The following SYTL2 variants were observed in gnomAD, a reference collection of about 807,000 sequenced individuals.
SYTL2 encodes synaptotagmin like 2.
SYTL2 carries 165 observed loss-of-function variants against 198.7 expected under a neutral mutation model. That is an observed-to-expected ratio of 0.83 (90% CI 0.73 to 0.94). The LOEUF is 0.94. Ranked by LOEUF, SYTL2 falls within the 40% of genes least tolerant of loss-of-function variation. The probability of loss-of-function intolerance (pLI) is 0.00; values close to 1 mark genes in which losing one functional copy is unlikely to be tolerated. For missense variants in SYTL2, 2,835 were observed against 2,582.8 expected (o/e 1.10, Z -2.12); for synonymous variants, 966 against 917.7 (o/e 1.05, Z -0.95).
intron 8 of SYTL2, 25 bp downstream of exon 8, chr11:85,724,007 G>A: frequency 1.5e-6 from 2 of 1,372,220 alleles, no homozygotes; most frequent in Non-Finnish European, 1.9e-6. Flanking sequence ...GACTCACTGT[G>A]AGTTAAAAAA....
chr11:85,808,748 T>C (rs142916917), intron 1 of SYTL2, among the ~76,000 whole-genome samples: 168 of 152,356 alleles, frequency 1.1e-3, no homozygotes, highest in African/African-American at 3.9e-3. Context: ...CACAGGAGCA[T>C]GTGTTGGTCT....
chr11:85,806,811 G>C (rs1443389634), intron 1 of SYTL2, among the ~76,000 whole-genome samples: 1 of 152,222 alleles, frequency 6.6e-6, no homozygotes, highest in Non-Finnish European at 1.5e-5. Context: ...TTTAAGACAA[G>C]AAGGACCCTC....
intron 1 of SYTL2, 37 bp from the exon 2 acceptor site, chr11:85,758,151 G>C (rs1027329636): frequency 6.0e-6 from 1 of 167,684 alleles, no homozygotes; most frequent in Non-Finnish European, 1.3e-5. Context: ...CAGACAGTGA[G>C]AGGCAGTTCC....
chr11:85,729,241 T>C (rs1189671806), intron 7 of SYTL2, among the ~76,000 whole-genome samples: 1 of 152,172 alleles, frequency 6.6e-6, no homozygotes, highest in African/African-American at 2.4e-5. Flanking sequence ...CAAGTGGACC[T>C]AAAAGACATC....
the SYTL2 span, among the ~76,000 whole-genome samples, chr11:85,834,623 A>C: frequency 3.3e-5 from 5 of 152,172 alleles, no homozygotes; most frequent in Non-Finnish European, 7.4e-5. Flanking sequence ...TGAGATACTC[A>C]ATACTTTATT....
intron 5 of SYTL2, 82 bp downstream of exon 5, chr11:85,737,493 T>G: frequency 9.0e-7 from 1 of 1,105,652 alleles, no homozygotes; most frequent in Non-Finnish European, 1.3e-6. Context: ...AAAATTCTCT[T>G]TATTTTGTGG....
At chr11:85,777,859 T>C (rs553899493) in intron 1 of SYTL2, among the ~76,000 whole-genome samples, 1 of 142,248 alleles carries the variant, frequency 7.0e-6, no homozygotes, top group African/African-American at 2.6e-5. Flanking sequence ...TTGCTCTTGT[T>C]GCCCAGGCTG....
At position 85,724,794 on chromosome 11, in the gene SYTL2, T is replaced by C; in HGVS notation, c.4564A>G (p.Asn1522Asp). Reference protein sequence around the residue: ...FPSKYESDTGNLSPSKLIGST... With the variant: ...FPSKYESDTGDLSPSKLIGST... ...CCTATTAACTTTGATGGAGAAAGATTCCCTGTATCACTTTCATATTTTGAG... is the reference window on the plus strand; with the variant it reads ...CCTATTAACTTTGATGGAGAAAGATCCCCTGTATCACTTTCATATTTTGAG... Residue 1522 changes from asparagine (N) to aspartate (D), a missense_variant, in exon 8 of 20, where the codon AAT (asparagine) becomes GAT (aspartate). Around this residue, in one of 3 missense-constraint regions of SYTL2, gnomAD observed 2,645 missense variants for 2,381.7 expected, o/e 1.11. Coordinates refer to ENST00000359152, the MANE Select transcript of SYTL2 (RefSeq NM_206927.4). 1 of 1,613,096 alleles carries C rather than the reference T, an allele frequency of 6.2e-7. No homozygotes were observed. The highest frequency in any genetic ancestry group is 8.5e-7 in the Non-Finnish European group (1 of 1,179,720).
chr11:85,698,861 G>A (rs1370963447), intron 17 of SYTL2, among the ~76,000 whole-genome samples: 4 of 152,208 alleles, frequency 2.6e-5, no homozygotes, highest in Non-Finnish European at 4.4e-5. Context: ...ACATTTTATA[G>A]GGATACTGTA....
chr11:85,833,686 TA>T, the SYTL2 span, among the ~76,000 whole-genome samples: 32 of 150,072 alleles, frequency 2.1e-4, no homozygotes, highest in African/African-American at 7.6e-4. Flanking sequence ...AATTAGTTAG[TA>T]AAAGCAAACT....
chr11:85,731,151 G>T (rs950701277), intron 7 of SYTL2, among the ~76,000 whole-genome samples: 3 of 152,118 alleles, frequency 2.0e-5, no homozygotes, highest in Admixed American at 2.0e-4. Context: ...CATGAAAATG[G>T]CCATACTGAC....
rs193274304 is a variant in SYTL2, at chr11:85,793,995, T to A, written c.-390+16959A>T. Among the ~76,000 whole-genome samples, 527 of 152,214 alleles carry A rather than the reference T, an allele frequency of 3.5e-3. 1 individual carries two copies. Among genetic ancestry groups the A allele is most frequent in the African/African-American group, 0.012 (486 of 41,530 alleles). On this transcript the variant is annotated intron_variant, in intron 1 of 19. Transcript: ENST00000359152. The stretch of plus-strand genomic sequence containing the variant: ...ATTCATTAGAGAAAAGAGCACACAA[T>A]CCCTCAATCCCCATCCTCCAAAGAT...
At chr11:85,802,163 T>G (rs561628771) in intron 1 of SYTL2, among the ~76,000 whole-genome samples, 1 of 151,942 alleles carries the variant, frequency 6.6e-6, no homozygotes, top group East Asian at 1.9e-4. Flanking sequence ...GGCTTTGAAC[T>G]TGAAACATCC....
At chr11:85,742,584 G>A (rs977566385) in intron 4 of SYTL2, among the ~76,000 whole-genome samples, 1 of 152,234 alleles carries the variant, frequency 6.6e-6, no homozygotes, top group Non-Finnish European at 1.5e-5. Flanking sequence ...TACAGAAACG[G>A]AGGCTATGTG....
chr11:85,763,585 G>A (rs2092155567), intron 1 of SYTL2, among the ~76,000 whole-genome samples: 1 of 152,038 alleles, frequency 6.6e-6, no homozygotes, highest in Non-Finnish European at 1.5e-5. Context: ...AGACAGTATT[G>A]TTGTACCAAA....
At position 85,695,273 on chromosome 11, in the gene SYTL2, C is replaced by A. The variant is rs190635778; in HGVS notation, c.6642G>T (p.Lys2214Asn). ...STSEEVALWE[K>N]MVNSPNTWIE... ...TCCAAGTATTGGGGGAGTTTACCAT[C>A]TTCTCCCAGAGAGCAACTTCCTCTG... The change falls in exon 20 of 20, where the codon AAG becomes AAT. Residue 2214 changes from lysine to asparagine, a missense_variant. Lys to Asn is a moderately conservative substitution (Grantham distance 94). Coordinates refer to ENST00000359152, the MANE Select transcript of SYTL2 (RefSeq NM_206927.4). 1.5e-4 allele frequency: 247 copies of A among 1,612,728 alleles called. No homozygotes were observed. The Middle Eastern group carries it at 2.1e-3, about 14-fold the overall frequency.
At chr11:85,753,766 TAAA>T (rs869050309) in intron 2 of SYTL2, among the ~76,000 whole-genome samples, 80 of 47,738 alleles carry the variant, frequency 1.7e-3, no homozygotes, top group Non-Finnish European at 2.2e-3. Flanking sequence ...CTCTCTTTTT[TAAA>T]AAAAAAAAAA....
intron 1 of SYTL2, among the ~76,000 whole-genome samples, chr11:85,802,567 C>T (rs1284791042): frequency 2.6e-5 from 4 of 151,706 alleles, no homozygotes; most frequent in Non-Finnish European, 4.4e-5. Context: ...GAACACTTAC[C>T]ACACTGTACT....
At chr11:85,721,024 T>C (rs1279099730) in intron 8 of SYTL2, 65 bp from the exon 9 acceptor site, 2 of 948,118 alleles carry the variant, frequency 2.1e-6, no homozygotes, top group Non-Finnish European at 1.7e-6. Context: ...CTCTAACATA[T>C]GGACATAGAA....
Sources: allele counts gnomAD v4.1 joint callset (sites outside exome capture counted in the v4.1 genomes callset), GRCh38; gene constraint gnomAD v4.1.1; regional missense constraint gnomAD v4.1.1; transcripts MANE v1.5; gene names NCBI Gene and HGNC (gene_info 2026-07-23, HGNC 2026-07-21).